CWC27: variants seen among roughly 807,000 people sequenced by gnomAD.
The protein encoded by CWC27 is CWC27 spliceosome associated cyclophilin.
In CWC27, 47 loss-of-function variants were observed where a neutral mutation model predicts 63.6. That is an observed-to-expected ratio of 0.74 (90% CI 0.58 to 0.94). The LOEUF is 0.94. Ranked by LOEUF, CWC27 falls within the 40% of genes least tolerant of loss-of-function variation. CWC27 has a pLI of 0.00. For missense variants in CWC27, 495 were observed against 554.3 expected, an observed-to-expected ratio of 0.89 and a Z score of 1.07; for synonymous variants, 175 against 179.8, an observed-to-expected ratio of 0.97 and a Z score of 0.22.
chr5:64,833,273 C>G (rs888134011), intron 10 of CWC27, among the ~76,000 whole-genome samples: 1 of 151,182 alleles, frequency 6.6e-6, no homozygotes, highest in Non-Finnish European at 1.5e-5. Flanking sequence ...TAAACCAGAA[C>G]AGATAAATGA....
chr5:64,806,874 T>C (rs1744695405), intron 10 of CWC27, among the ~76,000 whole-genome samples: 1 of 152,134 alleles, frequency 6.6e-6, no homozygotes, highest in South Asian at 2.1e-4. Flanking sequence ...TCATTAGTAC[T>C]TTTGGTTATT....
intron 13 of CWC27, among the ~76,000 whole-genome samples, chr5:65,012,054 CT>C (rs1749970568): frequency 6.6e-6 from 1 of 152,156 alleles, no homozygotes; most frequent in Non-Finnish European, 1.5e-5. Flanking sequence ...TGGAATTTCT[CT>C]TTTGAAATTT....
chr5:64,788,916 T>A, intron 6 of CWC27, 35 bp from the exon 7 acceptor site: 1 of 1,401,954 alleles, frequency 7.1e-7, no homozygotes, highest in Non-Finnish European at 9.7e-7. Context: ...TGACTTTCTC[T>A]TTCTTTTTTT....
At chr5:64,853,485 A>G (rs554711340) in intron 10 of CWC27, among the ~76,000 whole-genome samples, 20 of 152,330 alleles carry the variant, frequency 1.3e-4, no homozygotes, top group Non-Finnish European at 2.9e-4. Context: ...ATAACATAAA[A>G]TTTACCATCT....
chr5:64,817,182 C>T (rs1032314910), intron 10 of CWC27, among the ~76,000 whole-genome samples: 1 of 152,166 alleles, frequency 6.6e-6, no homozygotes, highest in African/African-American at 2.4e-5. Context: ...GGCCTCTGCA[C>T]TTCTAGTTAC....
intron 10 of CWC27, among the ~76,000 whole-genome samples, chr5:64,857,518 A>G (rs10940009): frequency 0.36 from 55,248 of 152,002 alleles, 10,629 homozygotes; most frequent in East Asian, 0.51. Context: ...CACTGAAAAA[A>G]GAGTTCAAGA....
chr5:64,917,572 G>C (rs1159835727), intron 11 of CWC27, among the ~76,000 whole-genome samples: 2 of 152,158 alleles, frequency 1.3e-5, no homozygotes, highest in Non-Finnish European at 2.9e-5. Flanking sequence ...ATTTGAATTG[G>C]TAGACTGAGT....
chr5:64,799,920 T>C (rs1744428227), intron 7 of CWC27, among the ~76,000 whole-genome samples: 1 of 152,072 alleles, frequency 6.6e-6, no homozygotes, highest in African/African-American at 2.4e-5. Context: ...GTGATGTAGC[T>C]TCTAAGTTAT....
intron 10 of CWC27, among the ~76,000 whole-genome samples, chr5:64,824,006 G>A (rs115191842): frequency 0.012 from 1,846 of 152,122 alleles, 23 homozygotes; most frequent in South Asian, 0.022. Flanking sequence ...CAAAAATAAC[G>A]TGTCTACCAA....
At position 64,970,753 on chromosome 5, in the gene CWC27, T is replaced by C. The variant is rs80189892; in HGVS notation, c.1043-950T>C. ...AACCACAAAAAGATAACTTGTTTCT[T>C]AGTTCAAATTTTTTTTTTGACCAGA... On this transcript the variant is annotated intron_variant, in intron 11 of 13. Coordinates refer to ENST00000381070, the MANE Select transcript of CWC27 (RefSeq NM_005869.4). Among the ~76,000 whole-genome samples the C allele has an allele frequency of 8.5e-3, 1,288 of 152,260 alleles. 19 individuals are homozygous for C. The highest frequency in any genetic ancestry group is 0.029 in the African/African-American group (1,218 of 41,538).
At chr5:64,875,720 T>C (rs1037942374) in intron 10 of CWC27, among the ~76,000 whole-genome samples, 2 of 152,178 alleles carry the variant, frequency 1.3e-5, no homozygotes, top group African/African-American at 4.8e-5. Context: ...CTAATCACTG[T>C]GCTTTTGAAA....
At chr5:64,911,822 C>A (rs1333809255) in intron 11 of CWC27, among the ~76,000 whole-genome samples, 1 of 151,988 alleles carries the variant, frequency 6.6e-6, no homozygotes, top group Non-Finnish European at 1.5e-5. Context: ...AGCCTGTAAT[C>A]CCAGCACTTT....
At chr5:64,930,732 G>A (rs1748219800) in intron 11 of CWC27, among the ~76,000 whole-genome samples, 1 of 152,104 alleles carries the variant, frequency 6.6e-6, no homozygotes, top group African/African-American at 2.4e-5. Flanking sequence ...ATCTGTAATA[G>A]AGAAACCGTA....
intron 11 of CWC27, among the ~76,000 whole-genome samples, chr5:64,896,636 G>C (rs539606660): frequency 6.6e-6 from 1 of 150,856 alleles, no homozygotes; most frequent in Non-Finnish European, 1.5e-5. Context: ...ATAAGGAAGG[G>C]TCTTAACTTC....
chr5:64,829,719 G>A (rs553470852), intron 10 of CWC27, among the ~76,000 whole-genome samples: 2 of 144,204 alleles, frequency 1.4e-5, no homozygotes, highest in African/African-American at 2.6e-5. Flanking sequence ...AGGTATACAC[G>A]TGTCATGGTG....
At chr5:64,843,143 A>G (rs557203008) in intron 10 of CWC27, among the ~76,000 whole-genome samples, 24 of 152,246 alleles carry the variant, frequency 1.6e-4, no homozygotes, top group South Asian at 6.2e-4. Flanking sequence ...TGTCAGTTGT[A>G]TATCTCAGTA....
intron 7 of CWC27, among the ~76,000 whole-genome samples, chr5:64,797,953 C>T (rs191283134): frequency 1.8e-4 from 28 of 152,174 alleles, no homozygotes; most frequent in African/African-American, 6.7e-4. Flanking sequence ...AAGGCTAGAA[C>T]AGAGGATCTG....
intron 13 of CWC27, among the ~76,000 whole-genome samples, chr5:65,012,388 C>T (rs574166147): frequency 2.0e-5 from 3 of 152,194 alleles, no homozygotes; most frequent in African/African-American, 7.2e-5. Flanking sequence ...AAAGATGCTA[C>T]CAGACAACAT....
At chr5:64,770,435 G>A (rs1017876673) in intron 1 of CWC27, among the ~76,000 whole-genome samples, 1 of 152,212 alleles carries the variant, frequency 6.6e-6, no homozygotes, top group African/African-American at 2.4e-5. Flanking sequence ...CATCCTGCCA[G>A]ACAGGGCCTT....
Sources: gnomAD v4.1 joint callset for allele counts (sites outside exome capture counted in the v4.1 genomes callset) on GRCh38, gnomAD v4.1.1 for gene constraint, MANE v1.5 for transcripts, NCBI Gene and HGNC (gene_info 2026-07-23, HGNC 2026-07-21) for gene names.